The following ROR2 variants were observed in gnomAD, a reference collection of about 807,000 sequenced individuals.
ROR2 encodes ROR family WNT receptor 2.
Under a neutral mutation model 74.9 loss-of-function variants are expected in ROR2, and 33 were observed. That is an observed-to-expected ratio of 0.44 (90% CI 0.33 to 0.59). The LOEUF is 0.59. ROR2 is among the 20% of genes least tolerant of loss of function. The probability of loss-of-function intolerance (pLI) is 0.02; values close to 1 mark genes in which losing one functional copy is unlikely to be tolerated. For missense variants in ROR2, 1,216 were observed against 1,313.8 expected (o/e 0.93, Z 1.15); for synonymous variants, 586 against 558.7 (o/e 1.05, Z -0.69).
intron 1 of ROR2, among the ~76,000 whole-genome samples, chr9:91,779,995 A>G (rs1468519675): frequency 6.6e-6 from 1 of 152,240 alleles, no homozygotes; most frequent in Non-Finnish European, 1.5e-5. Flanking sequence ...CAGAATGGCC[A>G]AAGTGAAAGG....
Position 91,731,061 on chromosome 9 carries a change from G to A in ROR2, c.1032C>T (p.His344=). The A allele has an allele frequency of 1.9e-6, 3 of 1,614,132 alleles. No individual in the cohort carries two copies. Among genetic ancestry groups the A allele is most frequent in the Non-Finnish European group, 2.5e-6 (3 of 1,180,040 alleles). The part of the protein sequence containing the change: ...GHQCQPWALQ[H]PHSHHLSSTD... ...TGCTGGACAGGTGGTGGCTGTGGGG[G>A]TGCTGCAGGGCCCACGGCTGGCACT... The change falls in exon 7 of 9, where the codon CAC becomes CAT. Residue 344 remains histidine (H), a synonymous_variant. Transcript: ENST00000375708.
intron 1 of ROR2, among the ~76,000 whole-genome samples, chr9:91,891,564 C>T (rs1426702815): frequency 2.0e-5 from 3 of 152,192 alleles, no homozygotes; most frequent in Admixed American, 6.5e-5. Context: ...CTACCGCACC[C>T]GGCCCTAGCT....
intron 1 of ROR2, among the ~76,000 whole-genome samples, chr9:91,854,204 G>A (rs1829202471): frequency 6.6e-6 from 1 of 152,190 alleles, no homozygotes; most frequent in Admixed American, 6.5e-5. Flanking sequence ...ATTGTTGGAG[G>A]ATTGCTGATA....
chr9:91,912,855 G>A (rs1220874472), intron 1 of ROR2, among the ~76,000 whole-genome samples: 1 of 152,164 alleles, frequency 6.6e-6, no homozygotes, highest in Non-Finnish European at 1.5e-5. Flanking sequence ...CAGGCCAGGC[G>A]TGTTGGCTCA....
At chr9:91,782,086 G>A (rs372097653) in intron 1 of ROR2, among the ~76,000 whole-genome samples, 6 of 152,206 alleles carry the variant, frequency 3.9e-5, no homozygotes, top group African/African-American at 7.2e-5. Flanking sequence ...CCCTGGCAGC[G>A]GTGAGCCTGG....
Position 91,845,347 on chromosome 9 carries a change from G to A in ROR2, c.98-69529C>T, listed in dbSNP as rs1828895293. 2.0e-5 allele frequency among the ~76,000 whole-genome samples: 3 copies of A among 152,236 alleles called. No individual in the cohort carries two copies. The South Asian group carries it at 6.2e-4, about 32-fold the overall frequency. Reference sequence around the variant, plus strand: ...AGGCCATGCCTGCCCCCAAATCCAAGTCTTTCAGGTGATCTCACTGTGTGG... The same window carrying A: ...AGGCCATGCCTGCCCCCAAATCCAAATCTTTCAGGTGATCTCACTGTGTGG... On this transcript the variant is annotated intron_variant, in intron 1 of 8. Transcript: ENST00000375708.
At chr9:91,929,371 G>A (rs1831492477) in intron 1 of ROR2, among the ~76,000 whole-genome samples, 1 of 152,284 alleles carries the variant, frequency 6.6e-6, no homozygotes, top group Admixed American at 6.5e-5. Context: ...CTCCGCAAAG[G>A]CATGGCATCT....
At chr9:91,739,113 T>C (rs556505059) in intron 4 of ROR2, among the ~76,000 whole-genome samples, 1 of 152,344 alleles carries the variant, frequency 6.6e-6, no homozygotes, top group South Asian at 2.1e-4. Context: ...TGTAGCTTGT[T>C]TTCCAGAAAA....
chr9:91,892,211 A>G (rs928264720), intron 1 of ROR2, among the ~76,000 whole-genome samples: 3 of 152,214 alleles, frequency 2.0e-5, no homozygotes, highest in African/African-American at 7.2e-5. Flanking sequence ...ACCGTGCCAC[A>G]CAACACAACC....
At chr9:91,844,481 T>A (rs916335359) in intron 1 of ROR2, among the ~76,000 whole-genome samples, 2 of 152,196 alleles carry the variant, frequency 1.3e-5, no homozygotes, top group Non-Finnish European at 2.9e-5. Context: ...CCTGCCGTCC[T>A]CCAAATATCA....
chr9:91,753,708 A>T lies in ROR2; in HGVS notation c.494+2363T>A, dbSNP rs76710986. Among the ~76,000 whole-genome samples, 165 of 152,316 alleles carry T rather than the reference A, an allele frequency of 1.1e-3. 1 individual carries two copies. The East Asian group carries it at 0.031, about 28-fold the overall frequency. ...TCACATGCTCTGCACATGAGTCCAG[A>T]AACAGGGAAAGAGAGCATCTGGAAA... On this transcript the variant is annotated intron_variant, in intron 4 of 8. Transcript: ENST00000375708.
At chr9:91,860,904 C>A (rs537310575) in intron 1 of ROR2, among the ~76,000 whole-genome samples, 3 of 152,144 alleles carry the variant, frequency 2.0e-5, no homozygotes, top group Non-Finnish European at 2.9e-5. Context: ...TAAAATTAAC[C>A]ATCACTTGTA....
chr9:91,838,951 T>C (rs12003273), intron 1 of ROR2, among the ~76,000 whole-genome samples: 18,299 of 152,042 alleles, frequency 0.12, 2,423 homozygotes, highest in African/African-American at 0.33. Flanking sequence ...AAGGGAGAAT[T>C]AGATAAATTT....
intron 1 of ROR2, among the ~76,000 whole-genome samples, chr9:91,949,053 G>A (rs376407917): frequency 6.6e-6 from 1 of 151,814 alleles, no homozygotes; most frequent in African/African-American, 2.4e-5. Context: ...TGGGGCCCCG[G>A]GAGGAAACCC....
At chr9:91,840,022 C>T (rs899203116) in intron 1 of ROR2, among the ~76,000 whole-genome samples, 2 of 152,190 alleles carry the variant, frequency 1.3e-5, no homozygotes, top group Admixed American at 1.3e-4. Flanking sequence ...ACTGTACTGG[C>T]CCCCGTTCCC....
In ROR2 at chr9:91,883,731, AC is replaced by A. The variant is rs1405750456; in HGVS notation, c.97+66135del. 7.9e-5 allele frequency among the ~76,000 whole-genome samples: 12 copies of A among 152,096 alleles called. No individual in the cohort carries two copies. The Middle Eastern group carries it at 0.01, about 129-fold the overall frequency. Reference sequence around the variant, plus strand: ...CTCTCTCACTCCAAACAAGAAACACACCCCACCCACTGTACTACTGCCCATC... The same window carrying A: ...CTCTCTCACTCCAAACAAGAAACACACCCACCCACTGTACTACTGCCCATC... On this transcript the variant is annotated intron_variant, in intron 1 of 8. Transcript: ENST00000375708.
chr9:91,879,128 G>C (rs1482599727), intron 1 of ROR2, among the ~76,000 whole-genome samples: 1 of 151,960 alleles, frequency 6.6e-6, no homozygotes, highest in Non-Finnish European at 1.5e-5. Context: ...ACAGAAATTG[G>C]TCAAACATGG....
At chr9:91,796,596 G>C (rs1827178950) in intron 1 of ROR2, among the ~76,000 whole-genome samples, 1 of 152,190 alleles carries the variant, frequency 6.6e-6, no homozygotes, top group Admixed American at 6.5e-5. Flanking sequence ...AGCTATGCCT[G>C]GGTACCTGGG....
At chr9:91,867,899 C>T (rs188076790) in intron 1 of ROR2, among the ~76,000 whole-genome samples, 29 of 152,200 alleles carry the variant, frequency 1.9e-4, no homozygotes, top group South Asian at 8.3e-4. Flanking sequence ...ACTGACTGCC[C>T]GTAAAACAGT....
Sources: gnomAD v4.1 joint callset for allele counts (sites outside exome capture counted in the v4.1 genomes callset) on GRCh38, gnomAD v4.1.1 for gene constraint, MANE v1.5 for transcripts, NCBI Gene and HGNC (gene_info 2026-07-23, HGNC 2026-07-21) for gene names.